Variants in RANBP2 observed in about 807,000 individuals in gnomAD.
The protein encoded by RANBP2 is RAN binding protein 2.
Under a neutral mutation model 303.6 loss-of-function variants are expected in RANBP2, and 57 were observed. The ratio of observed to expected loss-of-function variants is 0.19; its 90% CI spans 0.15 to 0.23. RANBP2 has a LOEUF of 0.23. Among genes scored for constraint, RANBP2 ranks in the 10% least tolerant of loss-of-function variants. The probability of loss-of-function intolerance (pLI) is 1.00; values close to 1 mark genes in which losing one functional copy is unlikely to be tolerated. For missense variants in RANBP2, 3,138 were observed against 3,780.8 expected (o/e 0.83, Z 4.46); for synonymous variants, 1,167 against 1,301.5 (o/e 0.90, Z 2.23).
chr2:109,604,383 A>AGGGG, the RANBP2 span, among the ~76,000 whole-genome samples: 1 of 64,434 alleles, frequency 1.6e-5, no homozygotes, highest in African/African-American at 6.7e-5. Flanking sequence ...AAGGGAAGGG[A>AGGGG]AGGGGAGGGG....
the RANBP2 span, among the ~76,000 whole-genome samples, chr2:108,832,981 C>G: frequency 6.6e-6 from 1 of 152,134 alleles, no homozygotes; most frequent in African/African-American, 2.4e-5. Flanking sequence ...ATGGAGACAC[C>G]TTAAATGCAC....
chr2:109,340,203 G>C, the RANBP2 span, among the ~76,000 whole-genome samples: 1 of 152,156 alleles, frequency 6.6e-6, no homozygotes. Flanking sequence ...CTGTCTCTCG[G>C]ACCTTGGACA....
At chr2:108,771,617 T>G in intron 20 of RANBP2, 84 bp from the exon 21 acceptor site, 1 of 1,588,320 alleles carries the variant, frequency 6.3e-7, no homozygotes, top group African/African-American at 1.3e-5. Flanking sequence ...TATAGATAGG[T>G]TCCATGGTTT....
At chr2:109,152,444 G>A in the RANBP2 span, among the ~76,000 whole-genome samples, 3 of 152,238 alleles carry the variant, frequency 2.0e-5, no homozygotes, top group Admixed American at 6.5e-5. Context: ...GAGAACGAGA[G>A]CATAATAGCC....
At chr2:108,865,471 T>C in the RANBP2 span, among the ~76,000 whole-genome samples, 1 of 152,218 alleles carries the variant, frequency 6.6e-6, no homozygotes, top group African/African-American at 2.4e-5. Context: ...TCCTTGACAT[T>C]CTCTGTTGAT....
At chr2:109,588,850 TAAAAAA>T in the RANBP2 span, among the ~76,000 whole-genome samples, 1 of 111,446 alleles carries the variant, frequency 9.0e-6, no homozygotes, top group African/African-American at 3.6e-5. Context: ...CAATTACTAT[TAAAAAA>T]AAAAAAAAAA....
the RANBP2 span, among the ~76,000 whole-genome samples, chr2:108,974,252 C>A: frequency 2.1e-5 from 3 of 141,266 alleles, no homozygotes; most frequent in African/African-American, 5.2e-5. Context: ...ATGGCATGAA[C>A]CCGGGAGGCG....
the RANBP2 span, chr2:108,931,072 A>G: frequency 6.4e-7 from 1 of 1,573,828 alleles, no homozygotes; most frequent in Admixed American, 1.7e-5. Context: ...TGGCGGTAGC[A>G]CCCCAGCCGG....
At chr2:109,059,753 C>T in the RANBP2 span, among the ~76,000 whole-genome samples, 3 of 152,152 alleles carry the variant, frequency 2.0e-5, no homozygotes, top group Non-Finnish European at 4.4e-5. Context: ...ACCTGAGCTG[C>T]ACTTAGAGCA....
chr2:108,733,302 G>A (rs138962967), intron 4 of RANBP2, among the ~76,000 whole-genome samples: 1,510 of 105,392 alleles, frequency 0.014, 38 homozygotes, highest in African/African-American at 0.055. Context: ...GTCTTGCTTA[G>A]TCACCCATGC....
chr2:109,157,791 A>G, the RANBP2 span, among the ~76,000 whole-genome samples: 1 of 152,144 alleles, frequency 6.6e-6, no homozygotes, highest in Non-Finnish European at 1.5e-5. Context: ...CAGAGGGTAA[A>G]AGGACACCTT....
the RANBP2 span, among the ~76,000 whole-genome samples, chr2:109,314,488 C>G: frequency 6.6e-6 from 1 of 152,166 alleles, no homozygotes; most frequent in Non-Finnish European, 1.5e-5. Flanking sequence ...ACGGCATGAC[C>G]TTTGATGTCA....
At chr2:109,671,509 T>C in the RANBP2 span, among the ~76,000 whole-genome samples, 2 of 152,108 alleles carry the variant, frequency 1.3e-5, no homozygotes, top group African/African-American at 4.8e-5. Flanking sequence ...ATGGGCCTCA[T>C]TGGAGGTGCA....
At chr2:108,971,502 C>A in the RANBP2 span, among the ~76,000 whole-genome samples, 1 of 152,106 alleles carries the variant, frequency 6.6e-6, no homozygotes, top group Non-Finnish European at 1.5e-5. Flanking sequence ...TAAAACCAGG[C>A]ATCAGTCTTT....
chr2:109,211,659 T>TTC, the RANBP2 span, among the ~76,000 whole-genome samples: 1 of 151,674 alleles, frequency 6.6e-6, no homozygotes, highest in East Asian at 1.9e-4. Flanking sequence ...TTTTTTTTTT[T>TTC]TTTGAGATGG....
At chr2:109,345,866 G>A in the RANBP2 span, among the ~76,000 whole-genome samples, 2 of 152,196 alleles carry the variant, frequency 1.3e-5, no homozygotes. Flanking sequence ...GGGCATTGCA[G>A]GGTGTTTGGC....
chr2:109,403,216 G>A, the RANBP2 span, among the ~76,000 whole-genome samples: 1 of 152,238 alleles, frequency 6.6e-6, no homozygotes, highest in African/African-American at 2.4e-5. Flanking sequence ...CAGCCTGAGA[G>A]CCGCGCACTG....
chr2:109,136,235 A>C, the RANBP2 span, among the ~76,000 whole-genome samples: 12 of 151,826 alleles, frequency 7.9e-5, no homozygotes, highest in African/African-American at 1.5e-4. Flanking sequence ...TTAAAAAAAA[A>C]CACACACATC....
chr2:108,814,957 A>G, the RANBP2 span, among the ~76,000 whole-genome samples: 14 of 152,166 alleles, frequency 9.2e-5, no homozygotes, highest in Non-Finnish European at 2.1e-4. Context: ...AAAAAAATAA[A>G]TTTAACATAG....
Sources: allele counts gnomAD v4.1 joint callset (sites outside exome capture counted in the v4.1 genomes callset), GRCh38; gene constraint gnomAD v4.1.1; transcripts MANE v1.5; gene names NCBI Gene and HGNC (gene_info 2026-07-23, HGNC 2026-07-21).